The following FANK1 variants were observed in gnomAD, a reference collection of about 807,000 sequenced individuals.
FANK1 encodes the protein fibronectin type 3 and ankyrin repeat domains protein 1.
In FANK1, 44 loss-of-function variants were observed where a neutral mutation model predicts 45.3. The observed-to-expected ratio is 0.97, with a 90% CI of 0.76 to 1.25. The LOEUF is 1.25. FANK1 is among the 50% of genes most tolerant of loss of function. The pLI is 0.00. For synonymous variants in FANK1, 149 were observed against 152.5 expected, an observed-to-expected ratio of 0.98 and a Z score of 0.17; for missense variants, 391 against 424.4, an observed-to-expected ratio of 0.92 and a Z score of 0.69.
chr10:125,936,162 A>G (rs1948082550), intron 1 of FANK1, among the ~76,000 whole-genome samples: 1 of 152,216 alleles, frequency 6.6e-6, no homozygotes, highest in Admixed American at 6.5e-5. Context: ...CTCAAACACC[A>G]GACTTCATAA....
rs951747900 is a variant in FANK1, at chr10:126,004,747, T to A, written c.540-137T>A. On this transcript the variant is annotated intron_variant, in intron 6 of 10. Coordinates refer to ENST00000368693, the MANE Select transcript of FANK1 (RefSeq NM_145235.5). ...TTGTACATCAGTTGATGGATACGTG[T>A]ACGTTTTATATGAACAGTTCCCATG... 5 of 776,858 alleles carry A rather than the reference T, an allele frequency of 6.4e-6. No individual in the cohort carries two copies. In the Admixed American group the frequency reaches 1.2e-4, roughly 18 times the overall value. The allele number at this position is 776,858 out of a possible 1,614,324, so 48.1% of individuals were successfully genotyped here.
chr10:125,976,088 G>A (rs933958523), intron 1 of FANK1, among the ~76,000 whole-genome samples: 4 of 150,704 alleles, frequency 2.7e-5, no homozygotes, highest in African/African-American at 9.8e-5. Context: ...AGGAAGCTTA[G>A]TTTGGCAGGA....
chr10:125,970,522 A>G (rs1451066359), intron 1 of FANK1, among the ~76,000 whole-genome samples: 2 of 152,244 alleles, frequency 1.3e-5, no homozygotes, highest in African/African-American at 4.8e-5. Context: ...CAGCCTGGGC[A>G]GCATTGAGCA....
chr10:125,996,732 G>A (rs1489701274), intron 5 of FANK1, 108 bp downstream of exon 5: 8 of 1,021,082 alleles, frequency 7.8e-6, no homozygotes, highest in Admixed American at 4.7e-5. Flanking sequence ...TGGAGGAACC[G>A]TTTCTTTTCT....
chr10:125,910,798 G>C (rs76414898), intron 1 of FANK1, among the ~76,000 whole-genome samples: 1 of 152,144 alleles, frequency 6.6e-6, no homozygotes, highest in Non-Finnish European at 1.5e-5. Flanking sequence ...ACTTTGGGAG[G>C]CCGAGGTGGG....
chr10:125,907,346 G>A, intron 1 of FANK1: 1 of 290,694 alleles, frequency 3.4e-6, no homozygotes, highest in Non-Finnish European at 5.1e-6. Context: ...GAAACTTAAT[G>A]TCTTCAAACA....
At chr10:125,903,761 G>A (rs574894924) in intron 1 of FANK1, among the ~76,000 whole-genome samples, 29 of 152,094 alleles carry the variant, frequency 1.9e-4, no homozygotes, top group Admixed American at 1.7e-3. Flanking sequence ...ACCCTAAATT[G>A]AAACTAGCAT....
intron 1 of FANK1, among the ~76,000 whole-genome samples, chr10:125,906,235 G>C (rs1945501557): frequency 6.6e-6 from 1 of 152,080 alleles, no homozygotes; most frequent in South Asian, 2.1e-4. Flanking sequence ...AGAAGGAGCA[G>C]CTAGGCACAG....
At chr10:125,984,114 A>G (rs1951400349) in intron 2 of FANK1, among the ~76,000 whole-genome samples, 1 of 152,162 alleles carries the variant, frequency 6.6e-6, no homozygotes, top group African/African-American at 2.4e-5. Context: ...AGGCCCAGTG[A>G]TGCTGCTGGA....
intron 1 of FANK1, among the ~76,000 whole-genome samples, chr10:125,921,599 G>T (rs1379968029): frequency 6.6e-6 from 1 of 152,156 alleles, no homozygotes; most frequent in Non-Finnish European, 1.5e-5. Context: ...CTGCCAAATT[G>T]TCTTCCAAAG....
At chr10:125,927,995 C>CTGTA (rs1947484647) in intron 1 of FANK1, among the ~76,000 whole-genome samples, 2 of 152,134 alleles carry the variant, frequency 1.3e-5, no homozygotes, top group African/African-American at 2.4e-5. Context: ...TACACTCTGC[C>CTGTA]AGCTGTGGAT....
intron 5 of FANK1, among the ~76,000 whole-genome samples, chr10:125,997,105 T>C (rs1952390683): frequency 6.6e-6 from 1 of 152,238 alleles, no homozygotes; most frequent in African/African-American, 2.4e-5. Context: ...CATTACATGC[T>C]ACCATTTAAG....
chr10:125,905,104 C>T (rs533743899), intron 1 of FANK1, among the ~76,000 whole-genome samples: 11 of 146,556 alleles, frequency 7.5e-5, no homozygotes, highest in African/African-American at 2.5e-4. Context: ...GCACTCCAGC[C>T]CAGGTGACAG....
At chr10:125,910,095 T>C (rs1348820022) in intron 1 of FANK1, among the ~76,000 whole-genome samples, 1 of 152,222 alleles carries the variant, frequency 6.6e-6, no homozygotes, top group Non-Finnish European at 1.5e-5. Flanking sequence ...ACCAATTACT[T>C]TAAAGTTCAT....
chr10:125,947,535 A>C (rs1251384852), intron 1 of FANK1, among the ~76,000 whole-genome samples: 12 of 151,260 alleles, frequency 7.9e-5, no homozygotes, highest in South Asian at 6.3e-4. Flanking sequence ...ACATAATGGT[A>C]AAGGGATCAA....
At chr10:125,904,987 C>T (rs1467360503) in intron 1 of FANK1, among the ~76,000 whole-genome samples, 15 of 151,742 alleles carry the variant, frequency 9.9e-5, no homozygotes, top group East Asian at 5.8e-4. Context: ...AAAAATTAGC[C>T]GGGTGTGGTG....
intron 1 of FANK1, chr10:125,907,403 C>T (rs374650429): frequency 1.2e-5 from 9 of 745,150 alleles, no homozygotes; most frequent in Non-Finnish European, 1.5e-5. Context: ...TAAGATGTTT[C>T]CCATGATCTC....
intron 1 of FANK1, chr10:125,973,411 G>A (rs1878025): frequency 0.99 from 973,026 of 985,180 alleles, 480,523 homozygotes; most frequent in East Asian, 1. Flanking sequence ...CACTGATGTC[G>A]TGATACAAGG....
chr10:125,997,281 C>A, intron 5 of FANK1, 139 bp from the exon 6 acceptor site: 1 of 531,384 alleles, frequency 1.9e-6, no homozygotes, highest in Non-Finnish European at 3.2e-6. Flanking sequence ...GGTTTTAAAA[C>A]CAGCTGGCTT....
Sources: allele counts gnomAD v4.1 joint callset (sites outside exome capture counted in the v4.1 genomes callset), GRCh38; gene constraint gnomAD v4.1.1; transcripts MANE v1.5; gene names NCBI Gene and HGNC (gene_info 2026-07-23, HGNC 2026-07-21).